Variants in CCDC33 observed in about 807,000 individuals in gnomAD.
The protein encoded by CCDC33 is coiled-coil domain containing 33.
A neutral mutation model predicts 91.9 loss-of-function variants in CCDC33; 94 were observed. The ratio of observed to expected loss-of-function variants is 1.02; its 90% CI spans 0.87 to 1.21. The LOEUF is 1.21. Among genes scored for constraint, CCDC33 ranks in the 50% most tolerant of loss-of-function variants. CCDC33 has a pLI of 0.00. For missense variants in CCDC33, 940 were observed against 935.5 expected (o/e 1.00, Z -0.06); for synonymous variants, 396 against 374.5 (o/e 1.06, Z -0.66).
intron 3 of CCDC33, among the ~76,000 whole-genome samples, chr15:74,264,085 G>A (rs1450789407): frequency 6.6e-6 from 1 of 152,060 alleles, no homozygotes; most frequent in African/African-American, 2.4e-5. Flanking sequence ...CTGCAGGAGG[G>A]ACAAGAGAGT....
At chr15:74,239,539 G>A (rs763243829) in intron 1 of CCDC33, among the ~76,000 whole-genome samples, 1 of 152,230 alleles carries the variant, frequency 6.6e-6, no homozygotes, top group Non-Finnish European at 1.5e-5. Context: ...GCCAGGCCCA[G>A]TGGAGTAGCT....
intron 10 of CCDC33, among the ~76,000 whole-genome samples, chr15:74,283,068 G>A (rs1488735092): frequency 6.6e-6 from 1 of 152,182 alleles, no homozygotes; most frequent in Non-Finnish European, 1.5e-5. Context: ...GGTATGAGGA[G>A]TATATCTGGG....
intron 2 of CCDC33, among the ~76,000 whole-genome samples, chr15:74,256,309 T>C (rs2075860624): frequency 6.6e-6 from 1 of 152,118 alleles, no homozygotes; most frequent in Non-Finnish European, 1.5e-5. Flanking sequence ...AAGCAGGGAA[T>C]GAGAATCAGA....
intron 2 of CCDC33, among the ~76,000 whole-genome samples, chr15:74,256,178 C>T (rs576018671): frequency 5.3e-5 from 8 of 152,150 alleles, no homozygotes; most frequent in South Asian, 2.1e-4. Flanking sequence ...CCCAGGAAGG[C>T]GGCCATCCAG....
chr15:74,271,328 C>T (rs1477663311), intron 5 of CCDC33, among the ~76,000 whole-genome samples: 4 of 152,290 alleles, frequency 2.6e-5, no homozygotes, highest in Admixed American at 2.0e-4. Context: ...GAACACCTAG[C>T]CCTACCCCTA....
chr15:74,213,327 T>G (rs911735752), upstream of CCDC33: 1 of 152,218 alleles, frequency 6.6e-6, no homozygotes, highest in Non-Finnish European at 1.5e-5. Context: ...AAGAAATGCA[T>G]GCTCAGAGGG....
In CCDC33 at chr15:74,244,206, G is replaced by A; in HGVS notation, c.185+58G>A. 6.4e-7 allele frequency: 1 copy of A among 1,558,948 alleles called. No individual in the cohort carries two copies. Among genetic ancestry groups the A allele is most frequent in the Non-Finnish European group, 8.7e-7 (1 of 1,149,240 alleles). ...TGGGTTGGGCTGTGAGCAGAAACCA[G>A]GGGACAGCTATTTGGAATACTAGCA... is the stretch of plus-strand genomic sequence containing the variant. On this transcript the variant is annotated intron_variant, in intron 2 of 18. Transcript: ENST00000398814. The surrounding 1 kb of genome is among the most constrained non-coding windows in gnomAD (Gnocchi z 4.2).
chr15:74,272,873 C>G lies in CCDC33; in HGVS notation c.741C>G (p.Ser247Arg). Residue 247 changes from serine to arginine, a missense_variant, in exon 7 of 19, where the codon AGC becomes AGG. Ser to Arg is a moderately radical substitution (Grantham distance 110). Coordinates refer to ENST00000398814, the MANE Select transcript of CCDC33 (RefSeq NM_025055.5). ...TGAACTTTGACGTGCCTCGCGTCAG[C>G]CAGAACGGATGCCCTCAGGTATGTC... ...SMMNFDVPRV[S>R]QNGCPQLSKP... 1 of 1,614,208 alleles carries G rather than the reference C, an allele frequency of 6.2e-7. No homozygotes were observed. The highest frequency in any genetic ancestry group is 8.5e-7 in the Non-Finnish European group (1 of 1,180,014).
At chr15:74,217,051 T>C (rs926305654), upstream of CCDC33, 1 of 269,986 alleles carries the variant, frequency 3.7e-6, no homozygotes, top group East Asian at 1.0e-4. Flanking sequence ...TCAAGAAATA[T>C]TTGTTGAAGG....
At position 74,297,646 on chromosome 15, in the gene CCDC33, A is replaced by G. The variant is rs145830647; in HGVS notation, c.1290+1698A>G. 2.5e-3 allele frequency among the ~76,000 whole-genome samples: 377 copies of G among 152,308 alleles called. 1 individual carries two copies. The highest frequency in any genetic ancestry group is 8.6e-3 in the African/African-American group (358 of 41,566). ...GAGGTCAAGGTTGCAGTGAGCTATG[A>G]TCGTGCTACTGTACTCCAGCTTGGG... On this transcript the variant is annotated intron_variant, in intron 11 of 18. Transcript: ENST00000398814.
intron 2 of CCDC33, among the ~76,000 whole-genome samples, chr15:74,257,150 C>T (rs2075890363): frequency 6.6e-6 from 1 of 152,212 alleles, no homozygotes; most frequent in Non-Finnish European, 1.5e-5. Context: ...AGTGTTGTAG[C>T]ACCATCAGGA....
intron 11 of CCDC33, among the ~76,000 whole-genome samples, chr15:74,310,925 G>A (rs931288451): frequency 2.3e-4 from 35 of 152,328 alleles, no homozygotes; most frequent in Admixed American, 2.2e-3. Context: ...CTGGGGTTTT[G>A]ATGGCTGAAG....
At chr15:74,307,962 G>A (rs1405448544) in intron 11 of CCDC33, among the ~76,000 whole-genome samples, 1 of 146,462 alleles carries the variant, frequency 6.8e-6, no homozygotes, top group African/African-American at 2.5e-5. Context: ...GAGACTCTGT[G>A]GGCTCTCTCG....
upstream of CCDC33, among the ~76,000 whole-genome samples, chr15:74,232,679 T>A (rs948340509): frequency 2.6e-5 from 4 of 152,220 alleles, no homozygotes; most frequent in Admixed American, 2.6e-4. Context: ...GGGCAAAATG[T>A]TAACCCTCTC....
intron 11 of CCDC33, among the ~76,000 whole-genome samples, chr15:74,329,804 G>C (rs575463533): frequency 2.0e-5 from 3 of 152,334 alleles, no homozygotes; most frequent in African/African-American, 7.2e-5. Flanking sequence ...GTTAGAAGAT[G>C]GGGAAGGAGG....
chr15:74,218,905 G>T lies in CCDC33; in HGVS notation c.675+44G>T. The T allele has an allele frequency of 8.3e-7, 1 of 1,197,824 alleles. No individual in the cohort carries two copies. 74.2% of individuals were successfully genotyped at this position (1,197,824 alleles called of 1,614,324 possible). The stretch of plus-strand genomic sequence containing the variant: ...CCAGTTCAGGTTCTGGGCTCACCGG[G>T]TACAAGACCCAGCCTCCGTGATAAG... On this transcript the variant is annotated intron_variant, in intron 2 of 2. Transcript: ENST00000635913. The surrounding 1 kb of genome is among the most constrained non-coding windows in gnomAD (Gnocchi z 4.8).
At chr15:74,240,888 C>A (rs1308411295) in intron 1 of CCDC33, among the ~76,000 whole-genome samples, 2 of 152,192 alleles carry the variant, frequency 1.3e-5, no homozygotes, top group African/African-American at 4.8e-5. Flanking sequence ...CCACCACACC[C>A]GGCCAAGTTG....
chr15:74,313,639 C>T (rs927392285), intron 11 of CCDC33, among the ~76,000 whole-genome samples: 4 of 151,772 alleles, frequency 2.6e-5, no homozygotes, highest in African/African-American at 7.3e-5. Flanking sequence ...AGGATGGTCT[C>T]GAACACCTGA....
chr15:74,334,536 C>T (rs115491366), intron 17 of CCDC33, among the ~76,000 whole-genome samples: 3,715 of 150,656 alleles, frequency 0.025, 160 homozygotes, highest in African/African-American at 0.088. Context: ...GGTTAGGATT[C>T]AGTGTGTGAC....
Sources: allele counts gnomAD v4.1 joint callset (sites outside exome capture counted in the v4.1 genomes callset), GRCh38; gene constraint gnomAD v4.1.1; non-coding constraint Gnocchi (gnomAD v3.1); transcripts MANE v1.5; gene names NCBI Gene and HGNC (gene_info 2026-07-23, HGNC 2026-07-21).